JADE2: variants seen among roughly 807,000 people sequenced by gnomAD.
JADE2 encodes the protein jade family PHD finger 2, also known as E3 ubiquitin-protein ligase Jade-2.
JADE2 carries 13 observed loss-of-function variants against 85.7 expected under a neutral mutation model. The observed-to-expected ratio is 0.15, with a 90% CI of 0.10 to 0.24. The LOEUF is 0.24. Among genes scored for constraint, JADE2 ranks in the 10% least tolerant of loss-of-function variants. The pLI, the probability that JADE2 is intolerant of heterozygous loss-of-function variation, is 1.00. For synonymous variants in JADE2, 440 were observed against 456.1 expected, an observed-to-expected ratio of 0.96 and a Z score of 0.45; for missense variants, 846 against 1,115.9, an observed-to-expected ratio of 0.76 and a Z score of 3.45.
chr5:134,537,499 G>C (rs1022041437), intron 2 of JADE2, among the ~76,000 whole-genome samples: 1 of 152,154 alleles, frequency 6.6e-6, no homozygotes, highest in East Asian at 1.9e-4. Context: ...TGAGTCATTT[G>C]CCTGGGGTGA....
chr5:134,561,105 T>G, intron 6 of JADE2, 148 bp downstream of exon 6: 2 of 690,314 alleles, frequency 2.9e-6, no homozygotes, highest in Non-Finnish European at 4.8e-6. Flanking sequence ...CATGGTACCA[T>G]GTGCACCCAG....
At position 134,562,408 on chromosome 5, in the gene JADE2, G is replaced by A. The variant is rs367919654; in HGVS notation, c.852+41G>A. 9.8e-5 allele frequency: 153 copies of A among 1,559,574 alleles called. No individual in the cohort carries two copies. Among genetic ancestry groups the A allele is most frequent in the African/African-American group, 8.8e-4 (65 of 74,054 alleles). On this transcript the variant is annotated intron_variant, in intron 7 of 11. Coordinates refer to ENST00000681547, the MANE Select transcript of JADE2 (RefSeq NM_001388185.1). This position sits in a 1 kb window ranked among gnomAD's most constrained non-coding sequence, Gnocchi z 4.6. ...GGTGAGGCAGCCCAAGGAATAGCCC[G>A]TGGGGAAGTGGGTCTGCATGGGACT...
rs561177989 is a variant in JADE2 at position 134,539,237 on chromosome 5, AT to A, written c.153+1161del. 3.5e-3 allele frequency among the ~76,000 whole-genome samples: 523 copies of A among 151,520 alleles called. 16 individuals are homozygous for A. In the East Asian group the frequency reaches 0.056, roughly 16 times the overall value. ...CCACCACACCCGGCTAATTTTTTGT[AT>A]TTTTTTAGTAGAGACGGGGTTTCAC... On this transcript the variant is annotated intron_variant, in intron 3 of 11. Coordinates refer to ENST00000681547, the MANE Select transcript of JADE2 (RefSeq NM_001388185.1).
intron 9 of JADE2, among the ~76,000 whole-genome samples, chr5:134,570,898 AC>A (rs2150006712): frequency 6.6e-6 from 1 of 152,198 alleles, no homozygotes; most frequent in South Asian, 2.1e-4. Context: ...TGAGCTCCAC[AC>A]CAAGTCCCTT....
intron 3 of JADE2, among the ~76,000 whole-genome samples, chr5:134,538,919 T>G (rs533282568): frequency 1.3e-5 from 2 of 151,694 alleles, no homozygotes; most frequent in African/African-American, 4.8e-5. Flanking sequence ...TGCAGTGGCA[T>G]GATCTCGGCT....
chr5:134,542,934 T>C lies in JADE2; in HGVS notation c.153+4851T>C, dbSNP rs548335272. ...TTTTAGTAGAGACGGGGTTTAGCCA[T>C]GTTGGCCAGGCTGGTCTCAAACTCC... On this transcript the variant is annotated intron_variant, in intron 3 of 11. Transcript: ENST00000681547. Among the ~76,000 whole-genome samples, 25 of 151,790 alleles carry C rather than the reference T, an allele frequency of 1.6e-4. No individual in the cohort carries two copies. In the East Asian group the frequency reaches 4.7e-3, roughly 28 times the overall value.
upstream of JADE2, among the ~76,000 whole-genome samples, chr5:134,524,121 T>G (rs1315042299): frequency 2.0e-5 from 3 of 152,162 alleles, no homozygotes; most frequent in African/African-American, 7.2e-5. Flanking sequence ...GCTTTGGGGA[T>G]GTTGGGCCAG....
At chr5:134,567,905 TA>T (rs1357936426) in intron 9 of JADE2, among the ~76,000 whole-genome samples, 7 of 152,116 alleles carry the variant, frequency 4.6e-5, no homozygotes, top group African/African-American at 1.4e-4. Flanking sequence ...CAAGGCTACC[TA>T]CATTGCAGCC....
Position 134,560,924 on chromosome 5 carries a change from C to G in JADE2, c.651C>G (p.Val217=). ...AGGGCGAGGATGGCAACGAGATGGT[C>G]TTCTGTGACAAGTGCAACGTCTGTG... is the stretch of plus-strand genomic sequence containing the variant. ...SPEGEDGNEM[V]FCDKCNVCVH... Residue 217 remains valine (V), a synonymous_variant, in exon 6 of 12, where the codon GTC becomes GTG. Coordinates refer to ENST00000681547, the MANE Select transcript of JADE2 (RefSeq NM_001388185.1). 1 of 1,614,114 alleles carries G rather than the reference C, an allele frequency of 6.2e-7. No homozygotes were observed. The highest frequency in any genetic ancestry group is 8.5e-7 in the Non-Finnish European group (1 of 1,179,974).
chr5:134,551,934 C>A, intron 3 of JADE2, 118 bp from the exon 4 acceptor site: 1 of 903,244 alleles, frequency 1.1e-6, no homozygotes, highest in Non-Finnish European at 1.8e-6. Flanking sequence ...CGTCTTATTT[C>A]TAAGTGCGCA....
chr5:134,567,633 C>G (rs1763729592), intron 9 of JADE2, among the ~76,000 whole-genome samples: 1 of 152,164 alleles, frequency 6.6e-6, no homozygotes, highest in East Asian at 1.9e-4. Flanking sequence ...AAGGCGCCTG[C>G]TTTTCTTATC....
At chr5:134,526,470 AC>A (rs999650216) in intron 1 of JADE2, 66 of 984,824 alleles carry the variant, frequency 6.7e-5, no homozygotes, top group Non-Finnish European at 7.6e-5. Context: ...GGCTCCGAGA[AC>A]CTGGAGCTAT....
chr5:134,526,686 C>T (rs1399200580), intron 1 of JADE2: 1 of 985,366 alleles, frequency 1.0e-6, no homozygotes, highest in Admixed American at 6.1e-5. Flanking sequence ...GGGCAGCATG[C>T]TCGGCTCCTG....
intron 9 of JADE2, among the ~76,000 whole-genome samples, chr5:134,567,900 C>T (rs1333812951): frequency 6.6e-6 from 1 of 152,162 alleles, no homozygotes; most frequent in Non-Finnish European, 1.5e-5. Context: ...GAGGGCAAGG[C>T]TACCTACATT....
Position 134,576,778 on chromosome 5 carries a change from G to C in JADE2, c.1563G>C (p.Gly521=). The part of the protein sequence containing the change: ...IEQDLCRERS[G]RRAKGKKSDS... ...CTTTCCCTGACACAGAGCGGTCTGG[G>C]AGGAGAGCAAAGGGCAAGAAGAGTG... The change falls in exon 11 of 12, where the codon GGG becomes GGC. Residue 521 remains glycine (G), a synonymous_variant. Transcript: ENST00000681547. 6.4e-7 allele frequency: 1 copy of C among 1,550,632 alleles called. No homozygotes were observed. The highest frequency in any genetic ancestry group is 8.7e-7 in the Non-Finnish European group (1 of 1,147,000).
In JADE2 at chr5:134,566,246, G is replaced by A; in HGVS notation, c.1100G>A (p.Gly367Glu). The change falls in exon 9 of 12, where the codon GGG (glycine) becomes GAG (glutamate). Residue 367 changes from glycine to glutamate, a missense_variant. This residue lies in a region of JADE2 where 39 missense variants were observed against 37.6 expected (regional missense o/e 1.04). Transcript: ENST00000681547. This position sits in a 1 kb window ranked among gnomAD's most constrained non-coding sequence, Gnocchi z 6.7. ...FKSFCQEHSD[G>E]GPRNEPTSEP... ...TCATTCTGCCAGGAGCACAGTGACG[G>A]GGGCCCACGTAATGAGCCCACATCT... The A allele has an allele frequency of 6.2e-7, 1 of 1,614,166 alleles. No homozygotes were observed. Among genetic ancestry groups the A allele is most frequent in the South Asian group, 1.1e-5 (1 of 91,086 alleles).
intron 1 of JADE2, among the ~76,000 whole-genome samples, chr5:134,527,738 G>A (rs1424707998): frequency 6.6e-6 from 1 of 151,946 alleles, no homozygotes. Context: ...GGAGGCGCGC[G>A]CAACTCCCCT....
In JADE2 at chr5:134,525,681, C is replaced by T. The variant is rs1199984263; in HGVS notation, c.-331C>T. On this transcript the variant is annotated 5_prime_UTR_variant, in exon 1 of 12. Coordinates refer to ENST00000681547, the MANE Select transcript of JADE2 (RefSeq NM_001388185.1). Reference sequence around the variant, plus strand: ...GTTTAAAAAGAAACAGAAACATACACAGGGGGTTGGTGAATGGTGCCGACC... The same window carrying T: ...GTTTAAAAAGAAACAGAAACATACATAGGGGGTTGGTGAATGGTGCCGACC... The T allele has an allele frequency of 1.7e-5, 21 of 1,243,890 alleles. No homozygotes were observed. In the African/African-American group the frequency reaches 2.2e-4, roughly 13 times the overall value. 77.1% of individuals were successfully genotyped at this position (1,243,890 alleles called of 1,614,324 possible).
intron 3 of JADE2, among the ~76,000 whole-genome samples, chr5:134,539,500 A>G (rs980307889): frequency 1.3e-5 from 2 of 152,238 alleles, no homozygotes; most frequent in African/African-American, 4.8e-5. Flanking sequence ...CGCCCGGCCA[A>G]TCCTGGCTCT....
Sources: gnomAD v4.1 joint callset for allele counts (sites outside exome capture counted in the v4.1 genomes callset) on GRCh38, gnomAD v4.1.1 for gene constraint, gnomAD v4.1.1 regional missense constraint, Gnocchi (gnomAD v3.1) non-coding constraint, MANE v1.5 for transcripts, NCBI Gene and HGNC (gene_info 2026-07-23, HGNC 2026-07-21) for gene names.